The following EFCAB6 variants were observed in gnomAD, a reference collection of about 807,000 sequenced individuals.
EFCAB6 encodes EF-hand calcium-binding domain-containing protein 6.
A neutral mutation model predicts 169.8 loss-of-function variants in EFCAB6; 156 were observed. The ratio of observed to expected loss-of-function variants is 0.92; its 90% confidence interval spans 0.81 to 1.05. The LOEUF (loss-of-function observed/expected upper bound fraction) is 1.05. EFCAB6 is among the 50% of genes least tolerant of loss of function. EFCAB6 has a pLI of 0.00. For synonymous variants in EFCAB6, 698 were observed against 676.4 expected, an observed-to-expected ratio of 1.03 and a Z score of -0.50; for missense variants, 1,800 against 1,829.1, an observed-to-expected ratio of 0.98 and a Z score of 0.29.
chr22:43,687,698 CA>C, intron 10 of EFCAB6, 117 bp from the exon 11 acceptor site: 1 of 557,022 alleles, frequency 1.8e-6, no homozygotes, highest in Non-Finnish European at 3.1e-6. Flanking sequence ...TATGAAGTTT[CA>C]AATCTAATAT....
At chr22:43,663,733 A>C (rs957682893) in intron 17 of EFCAB6, among the ~76,000 whole-genome samples, 2 of 152,202 alleles carry the variant, frequency 1.3e-5, no homozygotes, top group Admixed American at 6.5e-5. Context: ...CCTAACTTCC[A>C]ATGTGAATGG....
intron 6 of EFCAB6, among the ~76,000 whole-genome samples, chr22:43,746,124 G>A (rs2060553120): frequency 6.6e-6 from 1 of 152,194 alleles, no homozygotes. Flanking sequence ...CCGGGGACAA[G>A]CGGGAAGCGG....
intron 2 of EFCAB6, among the ~76,000 whole-genome samples, chr22:43,785,653 A>C (rs764640133): frequency 6.6e-5 from 10 of 152,182 alleles, no homozygotes; most frequent in Non-Finnish European, 1.2e-4. Context: ...AGAAAACAAT[A>C]AAGATTGGAG....
intron 10 of EFCAB6, 65 bp downstream of exon 10, chr22:43,711,410 C>T (rs1043660979): frequency 1.4e-6 from 2 of 1,430,632 alleles, no homozygotes; most frequent in Middle Eastern, 4.1e-4. Context: ...ATAAACGAAG[C>T]TGTGCCTTAT....
chr22:43,790,111 C>T (rs1403580190), intron 2 of EFCAB6, among the ~76,000 whole-genome samples: 1 of 152,148 alleles, frequency 6.6e-6, no homozygotes, highest in Non-Finnish European at 1.5e-5. Flanking sequence ...CTTTCCCTCT[C>T]TGGGCAGGCA....
intron 21 of EFCAB6, among the ~76,000 whole-genome samples, chr22:43,613,977 T>C (rs1182021065): frequency 6.6e-6 from 1 of 151,874 alleles, no homozygotes; most frequent in African/African-American, 2.4e-5. Flanking sequence ...AGCTATATAA[T>C]GAAAACTACA....
In EFCAB6 at chr22:43,617,821, C is replaced by T. The variant is rs116364806; in HGVS notation, c.2466-1899G>A. Reference sequence around the variant, plus strand: ...AAACACACAAGAAAAACAAGTGACTCGGCTGGGTGCAGTGGCTCACGCCTG... The same window carrying T: ...AAACACACAAGAAAAACAAGTGACTTGGCTGGGTGCAGTGGCTCACGCCTG... On this transcript the variant is annotated intron_variant, in intron 20 of 31. Coordinates refer to ENST00000262726, the MANE Select transcript of EFCAB6 (RefSeq NM_022785.4). Among the ~76,000 whole-genome samples the T allele has an allele frequency of 3.6e-3, 542 of 152,094 alleles. 2 individuals carry two copies. The highest frequency in any genetic ancestry group is 0.014 in the Middle Eastern group (4 of 294).
chr22:43,672,331 A>G (rs2057530403), intron 13 of EFCAB6, 26 bp from the exon 14 acceptor site: 6 of 1,611,662 alleles, frequency 3.7e-6, no homozygotes, highest in Non-Finnish European at 5.1e-6. Context: ...AAAGTATATA[A>G]ATAAATACCA....
chr22:43,746,354 G>A (rs756066448), intron 6 of EFCAB6, among the ~76,000 whole-genome samples: 2 of 152,106 alleles, frequency 1.3e-5, no homozygotes, highest in Non-Finnish European at 2.9e-5. Context: ...CCGAAAAAAT[G>A]AGCTAAAGAA....
intron 13 of EFCAB6, among the ~76,000 whole-genome samples, chr22:43,675,949 T>C (rs915179629): frequency 3.3e-5 from 5 of 151,798 alleles, no homozygotes; most frequent in African/African-American, 1.2e-4. Flanking sequence ...ATGTCCAGCA[T>C]AATATAAGTA....
At chr22:43,749,225 C>T (rs2060670285) in intron 6 of EFCAB6, among the ~76,000 whole-genome samples, 1 of 152,076 alleles carries the variant, frequency 6.6e-6, no homozygotes, top group African/African-American at 2.4e-5. Context: ...GAACCATTTA[C>T]TGACCTGGGA....
intron 2 of EFCAB6, among the ~76,000 whole-genome samples, chr22:43,794,506 TGTGA>T (rs1457857760): frequency 1.3e-5 from 2 of 152,180 alleles, no homozygotes; most frequent in African/African-American, 4.8e-5. Flanking sequence ...CCTACATGCA[TGTGA>T]GTGATTTGTG....
chr22:43,789,810 C>G (rs373371379), intron 2 of EFCAB6, among the ~76,000 whole-genome samples: 2 of 150,882 alleles, frequency 1.3e-5, no homozygotes, highest in African/African-American at 4.9e-5. Context: ...AGGAAGTTTA[C>G]AGCATAATTG....
intron 20 of EFCAB6, among the ~76,000 whole-genome samples, chr22:43,617,930 C>T (rs368860691): frequency 7.3e-5 from 11 of 151,698 alleles, no homozygotes; most frequent in Admixed American, 6.6e-5. Context: ...GGTGAAACCC[C>T]GTCTCTACTA....
intron 13 of EFCAB6, 57 bp from the exon 14 acceptor site, chr22:43,672,362 C>A: frequency 6.3e-7 from 1 of 1,582,566 alleles, no homozygotes; most frequent in Non-Finnish European, 8.6e-7. Context: ...TCATTAGGAG[C>A]TTTGGAGGCA....
intron 5 of EFCAB6, among the ~76,000 whole-genome samples, chr22:43,756,350 C>A (rs905678691): frequency 1.3e-5 from 2 of 152,214 alleles, no homozygotes; most frequent in Non-Finnish European, 2.9e-5. Context: ...CACTGTCGGG[C>A]TCTACGTCCC....
intron 17 of EFCAB6, among the ~76,000 whole-genome samples, chr22:43,650,690 TAG>T (rs1190706008): frequency 1.3e-5 from 2 of 152,216 alleles, no homozygotes; most frequent in East Asian, 3.8e-4. Context: ...TGGAAATTCC[TAG>T]AGACTTGTTG....
chr22:43,598,890 C>T (rs927791234), intron 23 of EFCAB6, among the ~76,000 whole-genome samples: 7 of 152,206 alleles, frequency 4.6e-5, no homozygotes, highest in Admixed American at 1.3e-4. Context: ...GATCATTACA[C>T]ATTGTATACA....
chr22:43,547,713 C>G (rs1187811413), intron 27 of EFCAB6, among the ~76,000 whole-genome samples: 2 of 150,076 alleles, frequency 1.3e-5, no homozygotes. Flanking sequence ...TGTAGTGAGC[C>G]GTGATCATGC....
Sources: allele counts gnomAD v4.1 joint callset (sites outside exome capture counted in the v4.1 genomes callset), GRCh38; gene constraint gnomAD v4.1.1; transcripts MANE v1.5; gene names NCBI Gene and HGNC (gene_info 2026-07-23, HGNC 2026-07-21).